GRID2: variants seen among roughly 807,000 people sequenced by gnomAD.
The protein encoded by GRID2 is glutamate receptor ionotropic, delta-2.
Under a neutral mutation model 114.8 loss-of-function variants are expected in GRID2, and 33 were observed. The observed-to-expected ratio is 0.29, with a 90% CI of 0.22 to 0.38. The LOEUF is 0.38. Ranked by LOEUF, GRID2 falls within the 10% of genes least tolerant of loss-of-function variation. The pLI is 1.00. For synonymous variants in GRID2, 505 were observed against 449.9 expected (o/e 1.12, Z -1.55); for missense variants, 1,184 against 1,257.7 (o/e 0.94, Z 0.89).
chr4:93,227,202 A>C (rs1745584708), intron 7 of GRID2, among the ~76,000 whole-genome samples: 1 of 152,122 alleles, frequency 6.6e-6, no homozygotes, highest in Admixed American at 6.6e-5. Flanking sequence ...AGCAAATAGT[A>C]CTTGACTGCA....
chr4:92,678,138 T>A, intron 2 of GRID2, among the ~76,000 whole-genome samples: 1 of 152,126 alleles, frequency 6.6e-6, no homozygotes, highest in East Asian at 1.9e-4. Context: ...TTTATTCAAA[T>A]TTTACCTTTT....
chr4:92,713,727 A>G (rs968099419), intron 2 of GRID2, among the ~76,000 whole-genome samples: 3 of 151,678 alleles, frequency 2.0e-5, no homozygotes, highest in African/African-American at 7.3e-5. Flanking sequence ...AGTTTGTGCT[A>G]AAAATTCCCC....
At chr4:93,644,228 G>A (rs1197356813) in intron 14 of GRID2, among the ~76,000 whole-genome samples, 2 of 78,330 alleles carry the variant, frequency 2.6e-5, no homozygotes, top group Non-Finnish European at 4.8e-5. Flanking sequence ...TCCCTAGTGA[G>A]ATGAACCCGG....
chr4:93,279,872 A>G (rs981815509), intron 8 of GRID2, among the ~76,000 whole-genome samples: 1 of 151,974 alleles, frequency 6.6e-6, no homozygotes, highest in East Asian at 1.9e-4. Flanking sequence ...CATAGTATAC[A>G]TGACTGGAAA....
At chr4:92,616,397 TTTAAG>T (rs969514018) in intron 2 of GRID2, among the ~76,000 whole-genome samples, 14 of 151,560 alleles carry the variant, frequency 9.2e-5, no homozygotes, top group African/African-American at 3.4e-4. Flanking sequence ...TCTTGTTTCC[TTTAAG>T]TTTTTTTCTT....
chr4:92,873,829 C>T (rs1334148039), intron 2 of GRID2, among the ~76,000 whole-genome samples: 4 of 152,092 alleles, frequency 2.6e-5, no homozygotes, highest in Non-Finnish European at 5.9e-5. Context: ...ATTCTCCTGC[C>T]TCAGCTACCC....
chr4:93,199,540 C>T (rs1012420491), intron 4 of GRID2, among the ~76,000 whole-genome samples: 1 of 152,152 alleles, frequency 6.6e-6, no homozygotes, highest in Admixed American at 6.5e-5. Context: ...TATGAAATAA[C>T]TTTGGCAGTA....
rs56181190 is a variant in GRID2 at position 93,316,385 on chromosome 4, AT to A, written c.1245+77896del. On this transcript the variant is annotated intron_variant, in intron 8 of 15. Coordinates refer to ENST00000282020, the MANE Select transcript of GRID2 (RefSeq NM_001510.4). ...GAAAAGAAAAAGAAAGAAAGAAAGA[AT>A]AGAAAAGGAAGGAAGGAAGGAGAAG... Among the ~76,000 whole-genome samples the A allele has an allele frequency of 1.9e-3, 201 of 104,472 alleles. 4 individuals are homozygous for A. The highest frequency in any genetic ancestry group is 6.0e-3 in the African/African-American group (147 of 24,696). The allele number at this position is 104,472 out of a possible 152,430, so 68.5% of individuals were successfully genotyped here. A position where few individuals can be genotyped will look rare whatever the true frequency, so the allele number is the denominator to read the frequency against.
At chr4:93,044,668 T>C (rs1195761765) in intron 2 of GRID2, among the ~76,000 whole-genome samples, 1 of 152,188 alleles carries the variant, frequency 6.6e-6, no homozygotes, top group African/African-American at 2.4e-5. Flanking sequence ...TTCTTGTACA[T>C]ACTTTCTGAG....
At chr4:93,563,146 T>C (rs1735080250) in intron 13 of GRID2, among the ~76,000 whole-genome samples, 1 of 152,052 alleles carries the variant, frequency 6.6e-6, no homozygotes. Flanking sequence ...ATACACTGAA[T>C]TATTAAAAGC....
At chr4:92,368,749 G>T (rs1728985750) in intron 1 of GRID2, among the ~76,000 whole-genome samples, 1 of 151,954 alleles carries the variant, frequency 6.6e-6, no homozygotes, top group South Asian at 2.1e-4. Flanking sequence ...GCATGACTTT[G>T]TATCAAAGAA....
At chr4:92,519,782 C>T (rs1724677140) in intron 1 of GRID2, among the ~76,000 whole-genome samples, 1 of 151,748 alleles carries the variant, frequency 6.6e-6, no homozygotes, top group Non-Finnish European at 1.5e-5. Flanking sequence ...ATAAGGAGAG[C>T]TGATGGTTTA....
chr4:92,645,753 C>G (rs1022259225), intron 2 of GRID2, among the ~76,000 whole-genome samples: 2 of 151,650 alleles, frequency 1.3e-5, no homozygotes, highest in African/African-American at 4.8e-5. Context: ...CTTCTTTCTT[C>G]CCTCAGGCTT....
At chr4:93,002,185 T>G (rs1267327560) in intron 2 of GRID2, among the ~76,000 whole-genome samples, 1 of 151,764 alleles carries the variant, frequency 6.6e-6, no homozygotes, top group Non-Finnish European at 1.5e-5. Flanking sequence ...TAAATAAAAA[T>G]TATGATAATT....
chr4:93,102,420 T>C (rs982600859), intron 3 of GRID2, among the ~76,000 whole-genome samples: 16 of 152,180 alleles, frequency 1.1e-4, no homozygotes, highest in Non-Finnish European at 2.4e-4. Context: ...TGTACACATT[T>C]GTTACCCATA....
intron 1 of GRID2, among the ~76,000 whole-genome samples, chr4:93,786,870 CAG>C (rs1734604023): frequency 6.6e-6 from 1 of 152,092 alleles, no homozygotes; most frequent in Non-Finnish European, 1.5e-5. Flanking sequence ...TTGGATTTAA[CAG>C]AGAGTTGTAG....
In GRID2 at chr4:92,304,288, G is replaced by A. The variant is rs1579146847; in HGVS notation, c.-369G>A. On this transcript the variant is annotated 5_prime_UTR_variant, in exon 1 of 16. Coordinates refer to ENST00000282020, the MANE Select transcript of GRID2 (RefSeq NM_001510.4). ...GGGGGGTGTTGGAAGTTGCAGCGGA[G>A]CTGGGACCGGAGACCCGCGGCCCCC... 1 of 251,380 alleles carries A rather than the reference G, an allele frequency of 4.0e-6. No homozygotes were observed. The highest frequency in any genetic ancestry group is 1.3e-4 in the East Asian group (1 of 7,558). The allele number at this position is 251,380 out of a possible 1,614,324, so 15.6% of individuals were successfully genotyped here.
At chr4:92,492,620 A>C (rs1723194810) in intron 1 of GRID2, among the ~76,000 whole-genome samples, 1 of 152,104 alleles carries the variant, frequency 6.6e-6, no homozygotes, top group East Asian at 1.9e-4. Flanking sequence ...ATGATATCTG[A>C]GGCATAGATA....
intron 2 of GRID2, among the ~76,000 whole-genome samples, chr4:92,962,338 C>T (rs1339080320): frequency 1.3e-5 from 2 of 151,750 alleles, no homozygotes; most frequent in African/African-American, 2.4e-5. Context: ...AGGTCTGGTC[C>T]TATGATTGAG....
Sources: gnomAD v4.1 joint callset for allele counts (sites outside exome capture counted in the v4.1 genomes callset) on GRCh38, gnomAD v4.1.1 for gene constraint, MANE v1.5 for transcripts, NCBI Gene and HGNC (gene_info 2026-07-23, HGNC 2026-07-21) for gene names.